UPP2: variants seen among roughly 807,000 people sequenced by gnomAD.
UPP2 encodes uridine phosphorylase 2.
UPP2 carries 23 observed loss-of-function variants against 26.7 expected under a neutral mutation model. The observed-to-expected ratio is 0.86, with a 90% CI of 0.62 to 1.22. The LOEUF (loss-of-function observed/expected upper bound fraction) is 1.22. Ranked by LOEUF, UPP2 falls within the 50% of genes most tolerant of loss-of-function variation. The pLI is 0.00. For missense variants in UPP2, 387 were observed against 396.7 expected (o/e 0.98, Z 0.21); for synonymous variants, 127 against 141.3 (o/e 0.90, Z 0.72).
chr2:158,022,459 A>T (rs1683766916), intron 3 of UPP2, among the ~76,000 whole-genome samples: 1 of 129,638 alleles, frequency 7.7e-6, no homozygotes, highest in Admixed American at 7.3e-5. Context: ...ACTTGTCTCA[A>T]AAAAAAAAAA....
At chr2:158,067,130 C>T (rs1682449136) in intron 3 of UPP2, among the ~76,000 whole-genome samples, 1 of 151,984 alleles carries the variant, frequency 6.6e-6, no homozygotes, top group South Asian at 2.1e-4. Flanking sequence ...GAGCAGACAT[C>T]TAATTTTTAT....
Position 158,010,772 on chromosome 2 carries a change from T to C in UPP2, c.62-5029T>C, listed in dbSNP as rs199801456. Among the ~76,000 whole-genome samples the C allele has an allele frequency of 2.9e-4, 43 of 149,052 alleles. 1 individual carries two copies. The South Asian group carries it at 5.1e-3, about 18-fold the overall frequency. The stretch of plus-strand genomic sequence containing the variant: ...TTAGCTCCCTCTTTTTCTTTTTTTT[T>C]TTTTTTTTTTTGAGACAGAGTCTCG... On this transcript the variant is annotated intron_variant, in intron 2 of 9. Coordinates refer to the UPP2 transcript ENST00000605860.
chr2:158,009,313 G>A (rs1237793363), intron 2 of UPP2, among the ~76,000 whole-genome samples: 1 of 152,098 alleles, frequency 6.6e-6, no homozygotes, highest in East Asian at 1.9e-4. Flanking sequence ...TAAGGTATTG[G>A]ATACACACAG....
At chr2:158,064,803 T>G (rs1682409431) in intron 3 of UPP2, among the ~76,000 whole-genome samples, 1 of 152,184 alleles carries the variant, frequency 6.6e-6, no homozygotes, top group African/African-American at 2.4e-5. Context: ...GTTTTCTGCA[T>G]ATGGCTAGCC....
At chr2:158,047,345 T>A (rs1292637827) in intron 3 of UPP2, among the ~76,000 whole-genome samples, 1 of 152,242 alleles carries the variant, frequency 6.6e-6, no homozygotes, top group African/African-American at 2.4e-5. Flanking sequence ...CAAAGCCACA[T>A]GATGCCCCCA....
At chr2:158,069,974 A>T (rs1276178882) in intron 3 of UPP2, among the ~76,000 whole-genome samples, 5 of 152,218 alleles carry the variant, frequency 3.3e-5, no homozygotes, top group African/African-American at 9.6e-5. Flanking sequence ...AATCTCAATC[A>T]TGAGGGCTCC....
intron 3 of UPP2, among the ~76,000 whole-genome samples, chr2:158,094,331 T>C (rs1682955676): frequency 1.3e-5 from 2 of 151,530 alleles, no homozygotes. Context: ...TGTACCTTTA[T>C]GTTTAAATGT....
At chr2:158,012,263 C>CTTTTTTT (rs34807293) in intron 2 of UPP2, among the ~76,000 whole-genome samples, 4 of 81,630 alleles carry the variant, frequency 4.9e-5, no homozygotes, top group Non-Finnish European at 9.2e-5. Flanking sequence ...TTGTTTCTAC[C>CTTTTTTT]TTTTTTTTTT....
chr2:158,059,142 TC>T (rs1175981512), intron 3 of UPP2, among the ~76,000 whole-genome samples: 1 of 152,192 alleles, frequency 6.6e-6, no homozygotes, highest in African/African-American at 2.4e-5. Flanking sequence ...CTGACCCACT[TC>T]CAAAGAACAA....
At chr2:158,072,559 G>A (rs189848925) in intron 3 of UPP2, among the ~76,000 whole-genome samples, 1 of 152,134 alleles carries the variant, frequency 6.6e-6, no homozygotes, top group East Asian at 1.9e-4. Flanking sequence ...GTCCAACCCA[G>A]CACCGTCCCA....
At chr2:158,131,183 C>T (rs1275612558) in intron 6 of UPP2, among the ~76,000 whole-genome samples, 1 of 152,054 alleles carries the variant, frequency 6.6e-6, no homozygotes, top group East Asian at 1.9e-4. Flanking sequence ...ATGAACATAA[C>T]CAGGAAGAGG....
At chr2:158,067,706 T>C (rs1446624883) in intron 3 of UPP2, among the ~76,000 whole-genome samples, 1 of 152,146 alleles carries the variant, frequency 6.6e-6, no homozygotes, top group Admixed American at 6.5e-5. Flanking sequence ...TTCCTGAAAC[T>C]CACTTATTTA....
At chr2:158,090,555 A>C (rs1048609493) in intron 3 of UPP2, among the ~76,000 whole-genome samples, 1 of 152,194 alleles carries the variant, frequency 6.6e-6, no homozygotes, top group Non-Finnish European at 1.5e-5. Flanking sequence ...AATGTATCTA[A>C]GTATATACAT....
At chr2:158,083,846 CTG>C (rs952523427) in intron 3 of UPP2, among the ~76,000 whole-genome samples, 4 of 141,150 alleles carry the variant, frequency 2.8e-5, no homozygotes, top group Non-Finnish European at 4.5e-5. Flanking sequence ...ATGTTTATGT[CTG>C]TTTATATATA....
At chr2:158,047,838 G>T (rs576639013) in intron 3 of UPP2, among the ~76,000 whole-genome samples, 1 of 152,240 alleles carries the variant, frequency 6.6e-6, no homozygotes, top group Admixed American at 6.5e-5. Flanking sequence ...TTTGTAAATT[G>T]CTGGATTACA....
intron 3 of UPP2, among the ~76,000 whole-genome samples, chr2:158,038,626 G>T (rs1186908189): frequency 1.3e-5 from 2 of 152,222 alleles, no homozygotes; most frequent in African/African-American, 4.8e-5. Context: ...AGAAAGAAAA[G>T]AGTTTGTGCT....
intron 3 of UPP2, among the ~76,000 whole-genome samples, chr2:158,037,234 G>C (rs533257797): frequency 6.6e-6 from 1 of 151,772 alleles, no homozygotes; most frequent in Non-Finnish European, 1.5e-5. Context: ...AATTAGCTGG[G>C]TGTGGTGGCG....
chr2:158,057,442 A>G (rs1013795305), intron 3 of UPP2, among the ~76,000 whole-genome samples: 19 of 152,248 alleles, frequency 1.2e-4, no homozygotes, highest in African/African-American at 4.3e-4. Flanking sequence ...TATTTTATAC[A>G]TTGGATTATA....
intron 3 of UPP2, chr2:158,065,548 G>A: frequency 4.1e-6 from 2 of 484,930 alleles, no homozygotes; most frequent in Non-Finnish European, 8.0e-6. Context: ...AATTAACATG[G>A]CTCAAATGAA....
Sources: gnomAD v4.1 joint callset for allele counts (sites outside exome capture counted in the v4.1 genomes callset) on GRCh38, gnomAD v4.1.1 for gene constraint, MANE v1.5 for transcripts, NCBI Gene and HGNC (gene_info 2026-07-23, HGNC 2026-07-21) for gene names.